PCDHA6: variants seen among roughly 807,000 people sequenced by gnomAD.
PCDHA6 encodes the protein protocadherin alpha-6.
In PCDHA6, 55 loss-of-function variants were observed where a neutral mutation model predicts 60.3. That is an observed-to-expected ratio of 0.91 (90% CI 0.73 to 1.14). The LOEUF is 1.14. Ranked by LOEUF, PCDHA6 falls within the 50% of genes most tolerant of loss-of-function variation. The pLI, the probability that PCDHA6 is intolerant of heterozygous loss-of-function variation, is 0.00. For synonymous variants in PCDHA6, 652 were observed against 557.9 expected (o/e 1.17, Z -2.38); for missense variants, 1,327 against 1,256.5 (o/e 1.06, Z -0.85).
At chr5:140,943,717 T>A (rs1269511670) in intron 1 of PCDHA6, among the ~76,000 whole-genome samples, 1 of 152,108 alleles carries the variant, frequency 6.6e-6, no homozygotes, top group Non-Finnish European at 1.5e-5. Context: ...CATTTAAAGG[T>A]CTGAGAGAAT....
rs139863676 is a variant in PCDHA6, at chr5:140,843,172, C to T, written c.2394+12687C>T. ...ATGAGCTGCAGCCAGCTGCAAGCAG[C>T]CCTCGCATCCCGTTCCGCGTGGGGC... On this transcript the variant is annotated intron_variant, in intron 1 of 3. Transcript: ENST00000529310. 15,808 of 1,596,034 alleles carry T rather than the reference C, an allele frequency of 9.9e-3. 1,621 individuals are homozygous for T. Among genetic ancestry groups the T allele is most frequent in the Non-Finnish European group, 0.012 (14,321 of 1,165,582 alleles).
chr5:140,942,591 T>C (rs1180688838), intron 1 of PCDHA6, among the ~76,000 whole-genome samples: 1 of 147,516 alleles, frequency 6.8e-6, no homozygotes, highest in East Asian at 2.0e-4. Context: ...ATGTCACATA[T>C]AATTATAGTG....
chr5:140,850,382 C>T (rs2150481725), intron 1 of PCDHA6: 2 of 1,597,874 alleles, frequency 1.3e-6, no homozygotes, highest in East Asian at 2.2e-5. Context: ...TGTACACGGG[C>T]GAGATCAGCA....
At chr5:140,870,671 A>T in intron 1 of PCDHA6, 1 of 1,612,606 alleles carries the variant, frequency 6.2e-7, no homozygotes, top group Non-Finnish European at 8.5e-7. Context: ...CAGCCGTTGG[A>T]CCACGAGGAG....
At chr5:141,000,833 G>A (rs1554257850) in intron 3 of PCDHA6, among the ~76,000 whole-genome samples, 2 of 151,930 alleles carry the variant, frequency 1.3e-5, no homozygotes, top group Non-Finnish European at 2.9e-5. Flanking sequence ...CTTGAGTCCA[G>A]GAGATCCAGT....
At chr5:140,911,384 C>T (rs2075446155) in intron 1 of PCDHA6, among the ~76,000 whole-genome samples, 1 of 152,134 alleles carries the variant, frequency 6.6e-6, no homozygotes, top group Non-Finnish European at 1.5e-5. Flanking sequence ...TGTGCATGCA[C>T]CTTTCATTGC....
chr5:140,861,046 A>G (rs2046732410), intron 1 of PCDHA6: 1 of 152,256 alleles, frequency 6.6e-6, no homozygotes, highest in African/African-American at 2.4e-5. Context: ...ATTTTTTTTA[A>G]CAGAAGAAAA....
intron 1 of PCDHA6, chr5:140,968,917 T>G: frequency 6.2e-7 from 1 of 1,614,216 alleles, no homozygotes; most frequent in Non-Finnish European, 8.5e-7. Flanking sequence ...CAGTGTCTTT[T>G]ATATTTCTTT....
At position 140,848,511 on chromosome 5, in the gene PCDHA6, C is replaced by A. The variant is rs1554142145; in HGVS notation, c.2394+18026C>A. On this transcript the variant is annotated intron_variant, in intron 1 of 3. Transcript: ENST00000529310. ...AGTATTTGAAATGTTATACTCAAGT[C>A]GAGGAGATCCAGAGGGTCAGCCTCT... is the stretch of plus-strand genomic sequence containing the variant. 3 of 1,589,608 alleles carry A rather than the reference C, an allele frequency of 1.9e-6. No individual in the cohort carries two copies. The Admixed American group carries it at 5.1e-5, about 27-fold the overall frequency.
chr5:140,837,766 TCCTGGG>T (rs1439414038), intron 1 of PCDHA6, among the ~76,000 whole-genome samples: 1 of 151,794 alleles, frequency 6.6e-6, no homozygotes, highest in Admixed American at 6.6e-5. Context: ...AACCTGAAAG[TCCTGGG>T]CTCACAGGAT....
intron 1 of PCDHA6, among the ~76,000 whole-genome samples, chr5:140,895,037 C>G (rs28619398): frequency 6.6e-6 from 1 of 152,134 alleles, no homozygotes; most frequent in Non-Finnish European, 1.5e-5. Context: ...TTGTCCCCCA[C>G]CCACACCATT....
At chr5:140,975,486 A>G (rs1260336572) in intron 1 of PCDHA6, among the ~76,000 whole-genome samples, 4 of 152,228 alleles carry the variant, frequency 2.6e-5, no homozygotes, top group African/African-American at 4.8e-5. Flanking sequence ...GTTTATATCA[A>G]TGTTCATAAA....
chr5:140,986,826 A>G (rs902801115), intron 3 of PCDHA6, among the ~76,000 whole-genome samples: 1 of 152,178 alleles, frequency 6.6e-6, no homozygotes, highest in Non-Finnish European at 1.5e-5. Flanking sequence ...GGTTTAGACA[A>G]TGGTTCTCAA....
At chr5:140,902,647 G>T (rs1286700570) in intron 1 of PCDHA6, among the ~76,000 whole-genome samples, 3 of 150,932 alleles carry the variant, frequency 2.0e-5, no homozygotes, top group African/African-American at 7.3e-5. Context: ...CTGAGATTTT[G>T]GTGCACCTGT....
chr5:140,923,792 T>G (rs2081513332), intron 1 of PCDHA6, among the ~76,000 whole-genome samples: 1 of 152,310 alleles, frequency 6.6e-6, no homozygotes, highest in South Asian at 2.1e-4. Flanking sequence ...CTTCATTCTT[T>G]TCACAAATGA....
rs184181496 is a variant in PCDHA6 at position 140,857,350 on chromosome 5, G to A, written c.2394+26865G>A. ...CGCGGGACGGGGGCTCGCCTCCGCTGTGGGCCACGGCCAGCGTGTCTGTGG... is the reference window on the plus strand; with the variant it reads ...CGCGGGACGGGGGCTCGCCTCCGCTATGGGCCACGGCCAGCGTGTCTGTGG... On this transcript the variant is annotated intron_variant, in intron 1 of 3. Coordinates refer to ENST00000529310, the MANE Select transcript of PCDHA6 (RefSeq NM_018909.4). 5 of 1,598,502 alleles carry A rather than the reference G, an allele frequency of 3.1e-6. 1 individual carries two copies. In the Admixed American group the frequency reaches 6.7e-5, roughly 22 times the overall value.
chr5:140,985,841 G>A (rs2097174040), intron 3 of PCDHA6, among the ~76,000 whole-genome samples: 1 of 145,238 alleles, frequency 6.9e-6, no homozygotes, highest in Admixed American at 7.3e-5. Context: ...CCGGGTTCAT[G>A]CCACTCTCCT....
chr5:140,856,759 C>T lies in PCDHA6; in HGVS notation c.2394+26274C>T, dbSNP rs148775418. On this transcript the variant is annotated intron_variant, in intron 1 of 3. Coordinates refer to ENST00000529310, the MANE Select transcript of PCDHA6 (RefSeq NM_018909.4). ...TCCTGGTGTTAGATGCCAATGATAA[C>T]GCCCCTATCTTTGACAGACCGGTTT... 33 of 1,596,270 alleles carry T rather than the reference C, an allele frequency of 2.1e-5. 4 individuals carry two copies. Among genetic ancestry groups the T allele is most frequent in the Non-Finnish European group, 2.6e-5 (30 of 1,166,452 alleles).
chr5:140,984,325 G>C (rs2097097043), intron 3 of PCDHA6, among the ~76,000 whole-genome samples: 1 of 152,168 alleles, frequency 6.6e-6, no homozygotes, highest in Admixed American at 6.5e-5. Flanking sequence ...CTAGGCAAAT[G>C]TGGAATAGGA....
Sources: gnomAD v4.1 joint callset for allele counts (sites outside exome capture counted in the v4.1 genomes callset) on GRCh38, gnomAD v4.1.1 for gene constraint, MANE v1.5 for transcripts, NCBI Gene and HGNC (gene_info 2026-07-23, HGNC 2026-07-21) for gene names.